The following FRMD4A variants were observed in gnomAD, a reference collection of about 807,000 sequenced individuals.
The protein encoded by FRMD4A is FERM domain containing 4A.
FRMD4A carries 29 observed loss-of-function variants against 129.1 expected under a neutral mutation model. The observed-to-expected ratio is 0.22, with a 90% CI of 0.17 to 0.31. FRMD4A has a LOEUF of 0.31. Ranked by LOEUF, FRMD4A falls within the 10% of genes least tolerant of loss-of-function variation. The pLI, the probability that FRMD4A is intolerant of heterozygous loss-of-function variation, is 1.00. For missense variants in FRMD4A, 1,272 were observed against 1,375.8 expected (o/e 0.92, Z 1.19); for synonymous variants, 634 against 571.6 (o/e 1.11, Z -1.56).
intron 2 of FRMD4A, among the ~76,000 whole-genome samples, chr10:14,107,441 A>AT (rs1372994260): frequency 1.3e-5 from 2 of 152,174 alleles, no homozygotes; most frequent in Non-Finnish European, 2.9e-5. Context: ...TATATTTAGG[A>AT]TTTTTTAAAA....
chr10:13,693,983 C>T lies in FRMD4A; in HGVS notation c.1032G>A (p.Thr344=), dbSNP rs374188244. 2.1e-5 allele frequency: 33 copies of T among 1,556,878 alleles called. No individual in the cohort carries two copies. The highest frequency in any genetic ancestry group is 6.2e-5 in the Admixed American group (3 of 48,300). ...CCAGCTTCGAGGTCTTCAGCGTCCC[C>T]GTCTCGGTCAGGTCGATGGCGATCT... ...LSEIAIDLTE[T]GTLKTSKLAN... The change falls in exon 15 of 25, where the codon ACG becomes ACA. Residue 344 remains threonine, a synonymous_variant. Coordinates refer to ENST00000357447, the MANE Select transcript of FRMD4A (RefSeq NM_018027.5).
chr10:14,101,920 A>G (rs1164037012), intron 2 of FRMD4A, among the ~76,000 whole-genome samples: 3 of 152,186 alleles, frequency 2.0e-5, no homozygotes, highest in East Asian at 1.9e-4. Flanking sequence ...TCCCCCATCA[A>G]TTATTGGATG....
chr10:13,654,491 C>A lies in FRMD4A; in HGVS notation c.2975G>T (p.Arg992Ile). 6.2e-7 allele frequency: 1 copy of A among 1,613,732 alleles called. No homozygotes were observed. Among genetic ancestry groups the A allele is most frequent in the Non-Finnish European group, 8.5e-7 (1 of 1,179,658 alleles). Residue 992 changes from arginine (R) to isoleucine (I), a missense_variant, in exon 23 of 25, where the codon AGA becomes ATA. Transcript: ENST00000357447. ...AATTTCACTTGACGGTGTCGAGCTT[C>A]TCTGGCTTTGAGGTAAGGCAGCTAC... ...ATSAALPQSQ[R>I]SSTPSSEIGA...
intron 2 of FRMD4A, among the ~76,000 whole-genome samples, chr10:13,888,974 G>A (rs1001264080): frequency 6.6e-6 from 1 of 152,184 alleles, no homozygotes; most frequent in Non-Finnish European, 1.5e-5. Context: ...AGTATGATGC[G>A]TCAGGCTAAA....
chr10:14,260,168 G>A (rs1466947611), intron 2 of FRMD4A, among the ~76,000 whole-genome samples: 1 of 152,126 alleles, frequency 6.6e-6, no homozygotes, highest in Non-Finnish European at 1.5e-5. Flanking sequence ...CCCTCGGCAG[G>A]TGCAGTTTGG....
intron 2 of FRMD4A, among the ~76,000 whole-genome samples, chr10:14,315,731 C>CA (rs1307513788): frequency 3.9e-5 from 6 of 152,214 alleles, no homozygotes; most frequent in Non-Finnish European, 7.3e-5. Flanking sequence ...ATCATGCAAC[C>CA]ATATGATCCT....
In FRMD4A at chr10:14,064,914, T is replaced by C. The variant is rs186266987; in HGVS notation, c.46-206002A>G. On this transcript the variant is annotated intron_variant, in intron 2 of 24. Transcript: ENST00000357447. ...TTTTTAACAGCGAAGCAATGGATCA[T>C]TCATTGAAATGGCAGCAGAGGCAAT... 1.1e-4 allele frequency among the ~76,000 whole-genome samples: 16 copies of C among 152,288 alleles called. No homozygotes were observed. In the East Asian group the frequency reaches 3.1e-3, roughly 29 times the overall value.
intron 3 of FRMD4A, among the ~76,000 whole-genome samples, chr10:13,848,531 G>C (rs1367211131): frequency 2.0e-5 from 3 of 152,004 alleles, no homozygotes; most frequent in African/African-American, 7.3e-5. Context: ...TGGCAGCGTG[G>C]ACCCATTAGG....
chr10:14,078,777 A>G (rs1835757835), intron 2 of FRMD4A, among the ~76,000 whole-genome samples: 1 of 152,206 alleles, frequency 6.6e-6, no homozygotes, highest in Admixed American at 6.5e-5. Flanking sequence ...CTCCAAGCCC[A>G]TGTGTTTCCC....
chr10:14,152,117 C>CTTTTTTTTT (rs36023583), intron 2 of FRMD4A, among the ~76,000 whole-genome samples: 1 of 54,152 alleles, frequency 1.8e-5, no homozygotes, highest in African/African-American at 7.5e-5. Context: ...TTGTGTAGTG[C>CTTTTTTTTT]TTTTTTTTTT....
At chr10:13,659,240 A>G (rs2082432165) in intron 21 of FRMD4A, 83 bp downstream of exon 21, 2 of 1,223,398 alleles carry the variant, frequency 1.6e-6, no homozygotes, top group African/African-American at 1.5e-5. Flanking sequence ...TAGCTCATCC[A>G]TTATTTGGGC....
intron 2 of FRMD4A, among the ~76,000 whole-genome samples, chr10:14,185,871 G>A (rs1842126717): frequency 6.6e-6 from 1 of 152,154 alleles, no homozygotes; most frequent in Non-Finnish European, 1.5e-5. Context: ...GAGTTAGAGT[G>A]AGATAAAGTG....
intron 2 of FRMD4A, chr10:14,082,913 A>G (rs879655487): frequency 6.6e-6 from 1 of 152,238 alleles, no homozygotes; most frequent in Admixed American, 6.5e-5. Flanking sequence ...TGTCTTATAC[A>G]TAGCAAACAC....
intron 6 of FRMD4A, among the ~76,000 whole-genome samples, chr10:13,778,050 C>T (rs2130763809): frequency 6.6e-6 from 1 of 152,162 alleles, no homozygotes; most frequent in East Asian, 1.9e-4. Context: ...ATCCACCCGC[C>T]TCTGCCTCCC....
chr10:13,765,976 C>T (rs1308868300), intron 6 of FRMD4A, among the ~76,000 whole-genome samples: 1 of 152,210 alleles, frequency 6.6e-6, no homozygotes, highest in Non-Finnish European at 1.5e-5. Flanking sequence ...TTAACATCTG[C>T]TGAGAGGCTT....
intron 2 of FRMD4A, among the ~76,000 whole-genome samples, chr10:13,865,351 C>T (rs35330742): frequency 0.21 from 32,055 of 151,750 alleles, 4,125 homozygotes; most frequent in Non-Finnish European, 0.29. Flanking sequence ...AACCCATAGT[C>T]CTTGTAGGAC....
At chr10:14,296,414 C>T (rs566305261) in intron 2 of FRMD4A, among the ~76,000 whole-genome samples, 2 of 152,280 alleles carry the variant, frequency 1.3e-5, no homozygotes, top group South Asian at 4.2e-4. Flanking sequence ...CCCTCCTGCC[C>T]TTGCCTCTCT....
intron 2 of FRMD4A, among the ~76,000 whole-genome samples, chr10:14,227,879 A>G (rs1218648916): frequency 6.7e-6 from 1 of 149,642 alleles, no homozygotes; most frequent in Non-Finnish European, 1.5e-5. Context: ...TCTGGCCAGA[A>G]TTTTTTTTTT....
At chr10:14,048,782 G>A (rs1379654115) in intron 2 of FRMD4A, among the ~76,000 whole-genome samples, 1 of 151,610 alleles carries the variant, frequency 6.6e-6, no homozygotes, top group African/African-American at 2.4e-5. Context: ...CTCCAGCCTG[G>A]GTGACAGAGC....
Sources: allele counts gnomAD v4.1 joint callset (sites outside exome capture counted in the v4.1 genomes callset), GRCh38; gene constraint gnomAD v4.1.1; transcripts MANE v1.5; gene names NCBI Gene and HGNC (gene_info 2026-07-23, HGNC 2026-07-21).